SMOC2: variants seen among roughly 807,000 people sequenced by gnomAD.
The protein encoded by SMOC2 is SPARC-related modular calcium-binding protein 2.
SMOC2 carries 39 observed loss-of-function variants against 61.4 expected under a neutral mutation model. The observed-to-expected ratio is 0.64, with a 90% CI of 0.49 to 0.83. The LOEUF is 0.83. Among genes scored for constraint, SMOC2 ranks in the 40% least tolerant of loss-of-function variants. The pLI is 0.00. For synonymous variants in SMOC2, 247 were observed against 239.9 expected (o/e 1.03, Z -0.27); for missense variants, 556 against 592.9 (o/e 0.94, Z 0.65).
intron 9 of SMOC2, among the ~76,000 whole-genome samples, chr6:168,612,158 G>C (rs1453086123): frequency 6.6e-6 from 1 of 152,158 alleles, no homozygotes; most frequent in East Asian, 1.9e-4. Flanking sequence ...TTTCCAGTGT[G>C]GGGAGAGGGT....
intron 7 of SMOC2, among the ~76,000 whole-genome samples, chr6:168,584,886 G>GC (rs1213289439): frequency 6.6e-6 from 1 of 152,160 alleles, no homozygotes; most frequent in Non-Finnish European, 1.5e-5. Context: ...TCCCGGGACA[G>GC]CCCCCCAGAG....
chr6:168,653,493 C>T (rs538455905), intron 11 of SMOC2, among the ~76,000 whole-genome samples: 14 of 152,362 alleles, frequency 9.2e-5, no homozygotes, highest in East Asian at 3.9e-4. Flanking sequence ...GTTCAGACCA[C>T]GGTTGGCTTC....
chr6:168,448,105 A>G (rs1322918340), intron 1 of SMOC2, among the ~76,000 whole-genome samples: 1 of 152,180 alleles, frequency 6.6e-6, no homozygotes, highest in Non-Finnish European at 1.5e-5. Context: ...ATCAGGCCCA[A>G]ACCGACCTGC....
Position 168,442,603 on chromosome 6 carries a change from G to A in SMOC2, c.84+1149G>A, listed in dbSNP as rs189399429. Among the ~76,000 whole-genome samples, 30 of 152,358 alleles carry A rather than the reference G, an allele frequency of 2.0e-4. No homozygotes were observed. In the East Asian group the frequency reaches 5.0e-3, roughly 26 times the overall value. On this transcript the variant is annotated intron_variant, in intron 1 of 12. Transcript: ENST00000356284. The stretch of plus-strand genomic sequence containing the variant: ...CAGCCGTCTTTTTTAAGTGGCCGGG[G>A]ACTTGTCCTAAAGGTGTTTATTGTA...
intron 8 of SMOC2, among the ~76,000 whole-genome samples, chr6:168,604,674 T>G (rs1164664734): frequency 6.6e-6 from 1 of 152,252 alleles, no homozygotes; most frequent in African/African-American, 2.4e-5. Flanking sequence ...CATTTAATAA[T>G]CCAGTAACAG....
chr6:168,560,130 G>GCT (rs557619557), intron 7 of SMOC2, among the ~76,000 whole-genome samples: 1 of 152,178 alleles, frequency 6.6e-6, no homozygotes, highest in East Asian at 1.9e-4. Flanking sequence ...TTTTTCCTTA[G>GCT]CTCTGTTACT....
intron 4 of SMOC2, among the ~76,000 whole-genome samples, chr6:168,528,281 T>TTTG (rs200513013): frequency 0.055 from 8,268 of 150,480 alleles, 403 homozygotes; most frequent in East Asian, 0.22. Context: ...TTTTTTTTTT[T>TTTG]GCCAATAGTG....
At chr6:168,464,961 G>A (rs1206903444) in intron 1 of SMOC2, among the ~76,000 whole-genome samples, 1 of 152,238 alleles carries the variant, frequency 6.6e-6, no homozygotes, top group African/African-American at 2.4e-5. Flanking sequence ...ACCAGTGTCT[G>A]AGAAGCTCCG....
chr6:168,534,705 T>C (rs1783693385), intron 4 of SMOC2, among the ~76,000 whole-genome samples: 3 of 152,256 alleles, frequency 2.0e-5, no homozygotes, highest in Admixed American at 2.0e-4. Flanking sequence ...CTTGTGTTTT[T>C]TATAATCTGC....
chr6:168,514,684 G>C (rs1783090099), intron 2 of SMOC2, among the ~76,000 whole-genome samples: 1 of 149,456 alleles, frequency 6.7e-6, no homozygotes, highest in Non-Finnish European at 1.5e-5. Context: ...GTCTTAGCTT[G>C]TGGAAACAAG....
Position 168,441,289 on chromosome 6 carries a change from G to A in SMOC2, c.-82G>A. 7.0e-7 allele frequency: 1 copy of A among 1,423,878 alleles called. No homozygotes were observed. Among genetic ancestry groups the A allele is most frequent in the Non-Finnish European group, 9.1e-7 (1 of 1,099,598 alleles). The allele number at this position is 1,423,878 out of a possible 1,614,324, so 88.2% of individuals were successfully genotyped here. ...CGCCCCTCCACGCGCCCGCCCAGCC[G>A]CGCTCGCCCACTGGGCTCTCCCGGC... On this transcript the variant is annotated 5_prime_UTR_variant, in exon 1 of 13. Transcript: ENST00000356284.
intron 8 of SMOC2, among the ~76,000 whole-genome samples, chr6:168,607,723 C>T (rs1785737050): frequency 6.6e-6 from 1 of 151,830 alleles, no homozygotes; most frequent in Admixed American, 6.6e-5. Flanking sequence ...GGGTAGTGGT[C>T]ACACCCTCTG....
intron 7 of SMOC2, among the ~76,000 whole-genome samples, chr6:168,578,568 G>T (rs1784857182): frequency 6.6e-6 from 1 of 152,172 alleles, no homozygotes; most frequent in Admixed American, 6.5e-5. Context: ...AGGGCTGAAG[G>T]TCCCCAGGGC....
intron 1 of SMOC2, among the ~76,000 whole-genome samples, chr6:168,505,019 T>A (rs1782830604): frequency 6.6e-6 from 1 of 152,166 alleles, no homozygotes; most frequent in African/African-American, 2.4e-5. Context: ...AATGAGTGAA[T>A]GAAATGTCCG....
intron 9 of SMOC2, among the ~76,000 whole-genome samples, chr6:168,610,459 G>A (rs909109881): frequency 1.3e-5 from 2 of 152,198 alleles, no homozygotes; most frequent in African/African-American, 4.8e-5. Flanking sequence ...GGCTGTTCCT[G>A]GTAGAGAGGA....
intron 1 of SMOC2, among the ~76,000 whole-genome samples, chr6:168,477,005 A>G (rs147438230): frequency 1.3e-5 from 2 of 152,356 alleles, no homozygotes; most frequent in Admixed American, 1.3e-4. Context: ...CAATAACACC[A>G]ATGGTTCCAA....
intron 2 of SMOC2, among the ~76,000 whole-genome samples, chr6:168,519,030 T>TGA (rs1395876304): frequency 2.0e-4 from 15 of 74,564 alleles, no homozygotes; most frequent in Non-Finnish European, 7.3e-4. Flanking sequence ...CGAACATGTG[T>TGA]GTGTATGTGT....
At chr6:168,595,185 G>T (rs74219865) in intron 7 of SMOC2, among the ~76,000 whole-genome samples, 1 of 112,774 alleles carries the variant, frequency 8.9e-6, no homozygotes, top group Non-Finnish European at 1.8e-5. Context: ...CCTCCTTCCT[G>T]AGGCCTCACG....
chr6:168,517,537 G>A (rs1783172641), intron 2 of SMOC2, among the ~76,000 whole-genome samples: 1 of 152,208 alleles, frequency 6.6e-6, no homozygotes, highest in Non-Finnish European at 1.5e-5. Context: ...AATCAGCAGC[G>A]ACAGCTCTCG....
Sources: allele counts gnomAD v4.1 joint callset (sites outside exome capture counted in the v4.1 genomes callset), GRCh38; gene constraint gnomAD v4.1.1; transcripts MANE v1.5; gene names NCBI Gene and HGNC (gene_info 2026-07-23, HGNC 2026-07-21).